BMP6: variants seen among roughly 807,000 people sequenced by gnomAD.
BMP6 encodes VG-1-R.
In BMP6, 17 loss-of-function variants were observed where a neutral mutation model predicts 54.1. The observed-to-expected ratio is 0.31, with a 90% CI of 0.22 to 0.47. The LOEUF is 0.47. BMP6 is among the 20% of genes least tolerant of loss of function. The pLI, the probability that BMP6 is intolerant of heterozygous loss-of-function variation, is 1.00. For missense variants in BMP6, 720 were observed against 690.4 expected (o/e 1.04, Z -0.48); for synonymous variants, 328 against 291.2 (o/e 1.13, Z -1.28).
chr6:7,788,871 GTT>G (rs10532545), intron 1 of BMP6, among the ~76,000 whole-genome samples: 37,817 of 140,260 alleles, frequency 0.27, 5,435 homozygotes, highest in East Asian at 0.52. Context: ...TCCTATCTCT[GTT>G]TTTTTTTTTT....
chr6:7,737,316 G>A (rs1456087345), intron 1 of BMP6, among the ~76,000 whole-genome samples: 1 of 152,118 alleles, frequency 6.6e-6, no homozygotes, highest in African/African-American at 2.4e-5. Flanking sequence ...GTTTAATGGA[G>A]CAAAAAGAGA....
At chr6:7,864,203 T>G (rs1211658414) in intron 4 of BMP6, among the ~76,000 whole-genome samples, 1 of 152,152 alleles carries the variant, frequency 6.6e-6, no homozygotes, top group Admixed American at 6.5e-5. Context: ...GTCCTTTGGC[T>G]ATTTAAATAG....
rs572011865 is a variant in BMP6, at chr6:7,840,296, C to T, written c.665-4844C>T. On this transcript the variant is annotated intron_variant, in intron 1 of 6. Coordinates refer to ENST00000283147, the MANE Select transcript of BMP6 (RefSeq NM_001718.6). ...GGCAGGGGAGTGATAAACATTATTC[C>T]TGATGTGAGGTACCTTTGGAGAGAA... is the stretch of plus-strand genomic sequence containing the variant. Among the ~76,000 whole-genome samples, 10 of 152,224 alleles carry T rather than the reference C, an allele frequency of 6.6e-5. No homozygotes were observed. The South Asian group carries it at 2.1e-3, about 32-fold the overall frequency.
chr6:7,826,065 C>T (rs1418518173), intron 1 of BMP6, among the ~76,000 whole-genome samples: 3 of 152,322 alleles, frequency 2.0e-5, no homozygotes, highest in Non-Finnish European at 2.9e-5. Flanking sequence ...AAGTGGGCTC[C>T]GGGTACCCTG....
At chr6:7,838,770 G>A (rs1296572871) in intron 1 of BMP6, among the ~76,000 whole-genome samples, 3 of 151,870 alleles carry the variant, frequency 2.0e-5, no homozygotes, top group Admixed American at 6.6e-5. Flanking sequence ...GTGAAACCTC[G>A]TCTCTACTAA....
At chr6:7,854,426 C>T (rs1300291203) in intron 2 of BMP6, among the ~76,000 whole-genome samples, 1 of 151,974 alleles carries the variant, frequency 6.6e-6, no homozygotes, top group Non-Finnish European at 1.5e-5. Flanking sequence ...TTCATTTCCC[C>T]ACCTTGGACG....
In BMP6 at chr6:7,862,184, T is replaced by G. The variant is rs553740569; in HGVS notation, c.1007-117T>G. ...GTTTGGGGATACATGATCTTCTTCT[T>G]CACACTCATTCTTAAGGATTAGCAC... is the stretch of plus-strand genomic sequence containing the variant. On this transcript the variant is annotated intron_variant, in intron 3 of 6. Coordinates refer to ENST00000283147, the MANE Select transcript of BMP6 (RefSeq NM_001718.6). 840 of 1,234,954 alleles carry G rather than the reference T, an allele frequency of 6.8e-4. 2 individuals are homozygous for G. The highest frequency in any genetic ancestry group is 8.8e-4 in the Non-Finnish European group (755 of 862,134). 76.5% of individuals were successfully genotyped at this position (1,234,954 alleles called of 1,614,324 possible).
intron 1 of BMP6, among the ~76,000 whole-genome samples, chr6:7,836,279 G>A (rs761010867): frequency 2.3e-4 from 35 of 151,938 alleles, no homozygotes; most frequent in Non-Finnish European, 3.5e-4. Flanking sequence ...AGCTCTTTAC[G>A]ATACATGTAC....
intron 1 of BMP6, among the ~76,000 whole-genome samples, chr6:7,777,081 C>T (rs1338842144): frequency 6.6e-6 from 1 of 152,218 alleles, no homozygotes; most frequent in Non-Finnish European, 1.5e-5. Flanking sequence ...CCTTCTAAAT[C>T]ACAGCCCTTA....
intron 2 of BMP6, among the ~76,000 whole-genome samples, chr6:7,860,185 G>A (rs1342149640): frequency 1.3e-5 from 2 of 152,204 alleles, no homozygotes; most frequent in East Asian, 1.9e-4. Flanking sequence ...GGTGGAGACC[G>A]TGACACTCTG....
chr6:7,807,499 T>G (rs997320965), intron 1 of BMP6, among the ~76,000 whole-genome samples: 1 of 152,146 alleles, frequency 6.6e-6, no homozygotes, highest in African/African-American at 2.4e-5. Context: ...CAGACTGGTC[T>G]CGAACTCCTG....
At chr6:7,842,218 T>G (rs1323933513) in intron 1 of BMP6, among the ~76,000 whole-genome samples, 2 of 152,182 alleles carry the variant, frequency 1.3e-5, no homozygotes, top group African/African-American at 4.8e-5. Flanking sequence ...ATGACCAGGT[T>G]CAACTAGGTG....
intron 2 of BMP6, among the ~76,000 whole-genome samples, chr6:7,855,915 A>G (rs1009208807): frequency 3.9e-5 from 6 of 152,178 alleles, no homozygotes; most frequent in Admixed American, 2.6e-4. Flanking sequence ...GTTGTGAGGC[A>G]TTAATATATG....
chr6:7,812,554 A>G (rs993511051), intron 1 of BMP6, among the ~76,000 whole-genome samples: 1 of 152,186 alleles, frequency 6.6e-6, no homozygotes. Flanking sequence ...GATGACATAA[A>G]ATTTTCAGAC....
At chr6:7,821,236 T>C (rs1018602906) in intron 1 of BMP6, among the ~76,000 whole-genome samples, 1 of 152,216 alleles carries the variant, frequency 6.6e-6, no homozygotes, top group Non-Finnish European at 1.5e-5. Context: ...ACCCAAGAAC[T>C]GTGGGGATTG....
chr6:7,735,469 T>C (rs1481360152), intron 1 of BMP6, among the ~76,000 whole-genome samples: 1 of 152,238 alleles, frequency 6.6e-6, no homozygotes, highest in Non-Finnish European at 1.5e-5. Context: ...TTTTGTAAAC[T>C]ACAAAATTAA....
intron 1 of BMP6, among the ~76,000 whole-genome samples, chr6:7,812,890 C>G (rs6937648): frequency 6.7e-6 from 1 of 149,190 alleles, no homozygotes; most frequent in Non-Finnish European, 1.5e-5. Context: ...TCCCCCAGGT[C>G]TGGGCTTTTC....
At chr6:7,790,192 G>A (rs1314474908) in intron 1 of BMP6, among the ~76,000 whole-genome samples, 1 of 152,076 alleles carries the variant, frequency 6.6e-6, no homozygotes, top group Admixed American at 6.5e-5. Context: ...CTTTCTGAAC[G>A]TGGGCCGCTT....
intron 2 of BMP6, among the ~76,000 whole-genome samples, chr6:7,846,791 A>G (rs1759072458): frequency 6.6e-6 from 1 of 152,174 alleles, no homozygotes; most frequent in Admixed American, 6.5e-5. Flanking sequence ...GTCTGTTGAT[A>G]CTTCAGAGAT....
Sources: allele counts gnomAD v4.1 joint callset (sites outside exome capture counted in the v4.1 genomes callset), GRCh38; gene constraint gnomAD v4.1.1; transcripts MANE v1.5; gene names NCBI Gene and HGNC (gene_info 2026-07-23, HGNC 2026-07-21).